ANK2: variants seen among roughly 807,000 people sequenced by gnomAD.
ANK2 encodes ankyrin-2.
A neutral mutation model predicts 360.5 loss-of-function variants in ANK2; 83 were observed. The observed-to-expected ratio is 0.23, with a 90% CI of 0.19 to 0.28. The LOEUF (loss-of-function observed/expected upper bound fraction) is 0.28, where lower values mean the gene tolerates loss of function less well. Ranked by LOEUF, ANK2 falls within the 10% of genes least tolerant of loss-of-function variation. The pLI is 1.00. For synonymous variants in ANK2, 1,740 were observed against 1,759.5 expected (o/e 0.99, Z 0.28); for missense variants, 4,201 against 4,795.7 (o/e 0.88, Z 3.66).
intron 2 of ANK2, among the ~76,000 whole-genome samples, chr4:112,974,948 AGGT>A (rs2040864145): frequency 6.6e-6 from 1 of 152,172 alleles, no homozygotes. Context: ...GGAATTTTTC[AGGT>A]TATCTAAATT....
At chr4:113,068,891 A>G (rs1052544737) in intron 1 of ANK2, among the ~76,000 whole-genome samples, 8 of 152,016 alleles carry the variant, frequency 5.3e-5, no homozygotes, top group Non-Finnish European at 1.2e-4. Context: ...TGAGACCCTC[A>G]TCTGTACAAA....
chr4:112,736,064 C>T, the ANK2 span, among the ~76,000 whole-genome samples: 2 of 152,226 alleles, frequency 1.3e-5, no homozygotes, highest in Non-Finnish European at 2.9e-5. Flanking sequence ...AGAAATAAAA[C>T]CCATCTGTGA....
At chr4:113,326,216 T>G (rs905229575) in intron 26 of ANK2, among the ~76,000 whole-genome samples, 2 of 152,334 alleles carry the variant, frequency 1.3e-5, no homozygotes, top group African/African-American at 4.8e-5. Context: ...GTCCAAATAG[T>G]GGCACTTTTG....
At chr4:113,000,580 G>A (rs919765683) in intron 2 of ANK2, among the ~76,000 whole-genome samples, 8 of 152,086 alleles carry the variant, frequency 5.3e-5, no homozygotes, top group Non-Finnish European at 1.0e-4. Flanking sequence ...AAGATAATCC[G>A]GTAAGTGAGT....
intron 2 of ANK2, among the ~76,000 whole-genome samples, chr4:112,963,738 C>T (rs532506271): frequency 3.3e-5 from 5 of 152,022 alleles, no homozygotes; most frequent in East Asian, 1.9e-4. Context: ...AAAATATAAA[C>T]GCTGAACCAA....
At chr4:113,336,508 TATA>T in intron 30 of ANK2, 66 bp from the exon 31 acceptor site, 1 of 1,351,868 alleles carries the variant, frequency 7.4e-7, no homozygotes. Flanking sequence ...TGAAATTAAG[TATA>T]ATGATTCATT....
intron 37 of ANK2, among the ~76,000 whole-genome samples, chr4:113,351,361 A>G (rs919324767): frequency 2.6e-5 from 4 of 152,194 alleles, no homozygotes; most frequent in African/African-American, 9.6e-5. Flanking sequence ...GCTTTGAATG[A>G]GGCTTACCCT....
In ANK2 at chr4:113,382,328, C is replaced by T. The variant is rs148026405; in HGVS notation, c.*857C>T. The T allele has an allele frequency of 6.5e-6, 1 of 153,718 alleles. No individual in the cohort carries two copies. The highest frequency in any genetic ancestry group is 2.4e-5 in the African/African-American group (1 of 41,572). 9.5% of individuals were successfully genotyped at this position (153,718 alleles called of 1,614,324 possible). On this transcript the variant is annotated 3_prime_UTR_variant, in exon 46 of 46. Transcript: ENST00000357077. ...ATGGCTTAGGACTCCAACAGCCACTCTGAGGGAGGGGAGAAGGGAGCAGAG... is the reference window on the plus strand; with the variant it reads ...ATGGCTTAGGACTCCAACAGCCACTTTGAGGGAGGGGAGAAGGGAGCAGAG...
intron 2 of ANK2, among the ~76,000 whole-genome samples, chr4:113,191,551 T>C (rs757850391): frequency 1.6e-4 from 24 of 152,242 alleles, no homozygotes; most frequent in Non-Finnish European, 2.6e-4. Context: ...CGTAAACGTA[T>C]GTTGAACTCA....
At chr4:112,878,391 A>G (rs2075757497) in intron 1 of ANK2, among the ~76,000 whole-genome samples, 1 of 152,024 alleles carries the variant, frequency 6.6e-6, no homozygotes, top group African/African-American at 2.4e-5. Flanking sequence ...CAGTGGTGCA[A>G]TCTCAGCTCA....
chr4:113,141,969 G>A (rs2154385163), intron 1 of ANK2, among the ~76,000 whole-genome samples: 1 of 152,284 alleles, frequency 6.6e-6, no homozygotes, highest in East Asian at 1.9e-4. Context: ...CGTCATGGAG[G>A]CTTTGAATTT....
At chr4:113,179,953 G>A (rs2098356907) in intron 2 of ANK2, among the ~76,000 whole-genome samples, 1 of 152,190 alleles carries the variant, frequency 6.6e-6, no homozygotes, top group Admixed American at 6.5e-5. Context: ...TGATACCAGT[G>A]ATTAACAGGT....
chr4:113,141,863 G>A (rs918668105), intron 1 of ANK2, among the ~76,000 whole-genome samples: 13 of 152,096 alleles, frequency 8.5e-5, no homozygotes, highest in African/African-American at 2.7e-4. Context: ...GTCCTTAATC[G>A]CTTTTCTCTT....
At chr4:112,997,633 G>C (rs1174930226) in intron 2 of ANK2, among the ~76,000 whole-genome samples, 1 of 151,788 alleles carries the variant, frequency 6.6e-6, no homozygotes, top group African/African-American at 2.4e-5. Flanking sequence ...TTTTCTTCCA[G>C]TATATGTGTG....
intron 4 of ANK2, among the ~76,000 whole-genome samples, chr4:113,203,693 G>C (rs1294139714): frequency 6.6e-6 from 1 of 152,074 alleles, no homozygotes; most frequent in African/African-American, 2.4e-5. Context: ...ATTGTCTCTA[G>C]TGTGTTGTGT....
chr4:112,746,082 C>A, the ANK2 span, among the ~76,000 whole-genome samples: 1,271 of 152,078 alleles, frequency 8.4e-3, 10 homozygotes, highest in Non-Finnish European at 0.013. Context: ...ACTATATTTT[C>A]AATTCTATAG....
chr4:113,256,637 A>G (rs2049504311), intron 11 of ANK2, among the ~76,000 whole-genome samples: 1 of 152,200 alleles, frequency 6.6e-6, no homozygotes, highest in Non-Finnish European at 1.5e-5. Flanking sequence ...GTACTAATTT[A>G]TGCCTCTTGT....
At chr4:113,162,414 G>T (rs562927519) in intron 1 of ANK2, among the ~76,000 whole-genome samples, 1 of 152,038 alleles carries the variant, frequency 6.6e-6, no homozygotes, top group East Asian at 1.9e-4. Context: ...TTTACTTTTA[G>T]AGTTTTACTT....
At chr4:113,288,328 A>G (rs368712691) in intron 19 of ANK2, 60 bp from the exon 20 acceptor site, 1 of 1,383,042 alleles carries the variant, frequency 7.2e-7, no homozygotes, top group East Asian at 2.3e-5. Context: ...TGGGGTATTA[A>G]CCACTAGAGT....
Sources: allele counts gnomAD v4.1 joint callset (sites outside exome capture counted in the v4.1 genomes callset), GRCh38; gene constraint gnomAD v4.1.1; transcripts MANE v1.5; gene names NCBI Gene and HGNC (gene_info 2026-07-23, HGNC 2026-07-21).